Variants in CATSPERT observed in about 807,000 individuals in gnomAD.
CATSPERT encodes catsper channel auxiliary subunit tau, also known as cation channel sperm-associated targeting subunit tau.
the CATSPERT span, among the ~76,000 whole-genome samples, chr2:201,488,555 C>T: frequency 3.3e-4 from 50 of 152,116 alleles, no homozygotes; most frequent in African/African-American, 1.1e-3. Context: ...GATTCTTTTT[C>T]AAATTTTCTA....
chr2:201,552,529 C>T, the CATSPERT span, among the ~76,000 whole-genome samples: 1 of 152,186 alleles, frequency 6.6e-6, no homozygotes, highest in Non-Finnish European at 1.5e-5. Context: ...GCTGAAACCA[C>T]ACCAGCAGGT....
chr2:201,550,645 A>G, the CATSPERT span: 1 of 152,184 alleles, frequency 6.6e-6, no homozygotes, highest in Admixed American at 6.5e-5. Context: ...ACTAATCTCT[A>G]TACAATGATT....
At chr2:201,490,878 C>T in the CATSPERT span, among the ~76,000 whole-genome samples, 9 of 152,096 alleles carry the variant, frequency 5.9e-5, no homozygotes, top group Admixed American at 2.6e-4. Flanking sequence ...CGCCCGCCAC[C>T]ATGCCCGGCT....
chr2:201,547,495 T>C, the CATSPERT span: 34 of 1,396,134 alleles, frequency 2.4e-5, no homozygotes, highest in Non-Finnish European at 2.3e-5. Flanking sequence ...GAATGTATTA[T>C]GTCAATTACC....
chr2:201,544,319 A>G, the CATSPERT span, among the ~76,000 whole-genome samples: 1 of 152,166 alleles, frequency 6.6e-6, no homozygotes, highest in East Asian at 1.9e-4. Flanking sequence ...CAATAAACAT[A>G]CGTGTGCATG....
At chr2:201,580,330 G>A in the CATSPERT span, among the ~76,000 whole-genome samples, 22 of 152,196 alleles carry the variant, frequency 1.4e-4, no homozygotes, top group Admixed American at 5.2e-4. Context: ...CTGTTACTAC[G>A]GCACCATGCA....
At chr2:201,558,122 G>A in the CATSPERT span, 19 of 152,166 alleles carry the variant, frequency 1.2e-4, no homozygotes, top group African/African-American at 4.6e-4. Flanking sequence ...TATTGCATTT[G>A]AATTATTTCC....
the CATSPERT span, among the ~76,000 whole-genome samples, chr2:201,559,899 A>C: frequency 6.6e-6 from 1 of 152,218 alleles, no homozygotes; most frequent in Non-Finnish European, 1.5e-5. Flanking sequence ...GTCACCTTCA[A>C]TAAAAACAAT....
chr2:201,573,783 A>G, the CATSPERT span, among the ~76,000 whole-genome samples: 5 of 152,074 alleles, frequency 3.3e-5, no homozygotes, highest in Admixed American at 6.5e-5. Context: ...CAGCCTCCCA[A>G]GTAGCTGGGA....
chr2:201,600,568 T>C, the CATSPERT span, among the ~76,000 whole-genome samples: 1 of 151,932 alleles, frequency 6.6e-6, no homozygotes, highest in Non-Finnish European at 1.5e-5. Context: ...ACATGTACCC[T>C]AGAACTTAAA....
the CATSPERT span, chr2:201,603,389 T>C: frequency 1.1e-5 from 9 of 823,646 alleles, no homozygotes; most frequent in Middle Eastern, 4.8e-4. Flanking sequence ...TGTTGGTTTT[T>C]CTCATTTGAA....
At chr2:201,528,758 G>T in the CATSPERT span, among the ~76,000 whole-genome samples, 5 of 152,074 alleles carry the variant, frequency 3.3e-5, no homozygotes, top group Admixed American at 3.3e-4. Context: ...GCCTACTTGA[G>T]GGTGGAAGGT....
chr2:201,487,928 T>C, the CATSPERT span: 23 of 1,526,656 alleles, frequency 1.5e-5, no homozygotes, highest in East Asian at 2.0e-4. Flanking sequence ...AAAGATCCAA[T>C]TGGTAAATTA....
the CATSPERT span, chr2:201,491,522 T>C: frequency 1.3e-6 from 2 of 1,536,210 alleles, no homozygotes; most frequent in Non-Finnish European, 1.7e-6. Context: ...TGCTTTTTAT[T>C]ATTGTTATTA....
chr2:201,591,082 G>A, the CATSPERT span, among the ~76,000 whole-genome samples: 2 of 152,190 alleles, frequency 1.3e-5, no homozygotes, highest in Admixed American at 6.5e-5. Flanking sequence ...GAATGGTAAT[G>A]CCTAGGTTTT....
At chr2:201,594,457 T>G in the CATSPERT span, among the ~76,000 whole-genome samples, 1 of 152,216 alleles carries the variant, frequency 6.6e-6, no homozygotes, top group South Asian at 2.1e-4. Flanking sequence ...ATTATGTGTC[T>G]TGGAGTTGCT....
chr2:201,591,530 T>C, the CATSPERT span, among the ~76,000 whole-genome samples: 4 of 152,084 alleles, frequency 2.6e-5, no homozygotes, highest in African/African-American at 9.7e-5. Flanking sequence ...AGAAAGTCAT[T>C]GGTAGCTTGA....
chr2:201,590,740 T>C, the CATSPERT span, among the ~76,000 whole-genome samples: 3 of 152,242 alleles, frequency 2.0e-5, no homozygotes, highest in Non-Finnish European at 4.4e-5. Context: ...TGGCCAGTGA[T>C]GGAGAGCATT....
the CATSPERT span, chr2:201,494,840 A>G: frequency 2.9e-6 from 4 of 1,373,874 alleles, no homozygotes; most frequent in Non-Finnish European, 3.8e-6. Context: ...ATTTTCCTTG[A>G]GCAATCTGTC....
Sources: gnomAD v4.1 joint callset for allele counts (sites outside exome capture counted in the v4.1 genomes callset) on GRCh38, gnomAD v4.1.1 for gene constraint, MANE v1.5 for transcripts, NCBI Gene and HGNC (gene_info 2026-07-23, HGNC 2026-07-21) for gene names.